The following ROCK1 variants were observed in gnomAD, a reference collection of about 807,000 sequenced individuals.
ROCK1 encodes the protein Rho associated coiled-coil containing protein kinase 1, also known as rho-associated protein kinase 1.
A neutral mutation model predicts 196.8 loss-of-function variants in ROCK1; 36 were observed. That is an observed-to-expected ratio of 0.18 (90% CI 0.14 to 0.24). The LOEUF (loss-of-function observed/expected upper bound fraction) is 0.24, where lower values mean the gene tolerates loss of function less well. Among genes scored for constraint, ROCK1 ranks in the 10% least tolerant of loss-of-function variants. The probability of loss-of-function intolerance (pLI) is 1.00; values close to 1 mark genes in which losing one functional copy is unlikely to be tolerated. For synonymous variants in ROCK1, 443 were observed against 515.9 expected (o/e 0.86, Z 1.91); for missense variants, 920 against 1,562.0 (o/e 0.59, Z 6.93).
chr18:21,026,595 T>C (rs958121063), intron 10 of ROCK1, among the ~76,000 whole-genome samples: 8 of 152,132 alleles, frequency 5.3e-5, no homozygotes, highest in African/African-American at 1.7e-4. Context: ...ATCTCATTGA[T>C]GTTGCAACAA....
In ROCK1 at chr18:21,047,466, A is replaced by C. The variant is rs151223356; in HGVS notation, c.414+1626T>G. ...TTAAGCCTGAGAAACTCTGATCTACATAGTTGGTAAAAACATAGACATTTC... is the reference window on the plus strand; with the variant it reads ...TTAAGCCTGAGAAACTCTGATCTACCTAGTTGGTAAAAACATAGACATTTC... On this transcript the variant is annotated intron_variant, in intron 4 of 32. Coordinates refer to ENST00000399799, the MANE Select transcript of ROCK1 (RefSeq NM_005406.3). Among the ~76,000 whole-genome samples, 1,085 of 152,294 alleles carry C rather than the reference A, an allele frequency of 7.1e-3. 9 individuals carry two copies. In the Middle Eastern group the frequency reaches 0.075, roughly 11 times the overall value.
intron 17 of ROCK1, 67 bp from the exon 18 acceptor site, chr18:20,991,393 A>C (rs1330339895): frequency 9.3e-7 from 1 of 1,073,428 alleles, no homozygotes; most frequent in East Asian, 2.6e-5. Context: ...TAAATCTTAC[A>C]TTTAATATTC....
Position 21,023,634 on chromosome 18 carries a change from C to A in ROCK1, c.1258G>T (p.Ala420Ser). 6.4e-7 allele frequency: 1 copy of A among 1,563,062 alleles called. No homozygotes were observed. The highest frequency in any genetic ancestry group is 1.2e-5 in the South Asian group (1 of 83,670). ...NPNDNRTSSNADKSLQESLQK... is the reference protein window; with the variant it reads ...NPNDNRTSSNSDKSLQESLQK... ...AAAATACCTACCAAGCTTTTATCTG[C>A]ATTGGAGCTAGTTCTGTTATCATTA... is the stretch of plus-strand genomic sequence containing the variant. Residue 420 changes from alanine to serine, a missense_variant, in exon 11 of 33, where the codon GCA becomes TCA. By Grantham distance (99) the Ala-to-Ser change is moderately conservative (BLOSUM62 1). Coordinates refer to ENST00000399799, the MANE Select transcript of ROCK1 (RefSeq NM_005406.3).
intron 16 of ROCK1, among the ~76,000 whole-genome samples, chr18:21,003,792 T>C (rs563068698): frequency 6.6e-6 from 1 of 152,134 alleles, no homozygotes; most frequent in Non-Finnish European, 1.5e-5. Flanking sequence ...AGCACTGACA[T>C]GACATTCAAG....
In ROCK1 at chr18:21,110,974, T is replaced by C; in HGVS notation, c.-64A>G. On this transcript the variant is annotated 5_prime_UTR_variant, in exon 1 of 33. Transcript: ENST00000399799. The stretch of plus-strand genomic sequence containing the variant: ...GCAGCGGAAAGCAATTTCAACCAAC[T>C]TCCTCCGCGGTGGGTTCGCAGCCGC... The C allele has an allele frequency of 7.2e-7, 1 of 1,381,856 alleles. No individual in the cohort carries two copies. Among genetic ancestry groups the C allele is most frequent in the Non-Finnish European group, 1.0e-6 (1 of 972,272 alleles). The allele number at this position is 1,381,856 out of a possible 1,614,324, so 85.6% of individuals were successfully genotyped here.
At chr18:21,056,381 C>T (rs965552450) in intron 2 of ROCK1, among the ~76,000 whole-genome samples, 8 of 152,188 alleles carry the variant, frequency 5.3e-5, no homozygotes, top group Non-Finnish European at 1.2e-4. Context: ...TGGCCGATGG[C>T]TCAATTTTGC....
chr18:21,082,800 A>G (rs1444211321), intron 1 of ROCK1, among the ~76,000 whole-genome samples: 1 of 152,214 alleles, frequency 6.6e-6, no homozygotes, highest in African/African-American at 2.4e-5. Context: ...TGTCACTTCT[A>G]TTCAACTCAT....
chr18:21,105,005 A>G (rs1451178920), intron 1 of ROCK1, among the ~76,000 whole-genome samples: 7 of 152,242 alleles, frequency 4.6e-5, no homozygotes, highest in Admixed American at 3.9e-4. Flanking sequence ...AGAGACGACA[A>G]TAAATATCAA....
chr18:21,063,592 T>C (rs1198473976), intron 2 of ROCK1, among the ~76,000 whole-genome samples: 1 of 152,106 alleles, frequency 6.6e-6, no homozygotes, highest in Non-Finnish European at 1.5e-5. Flanking sequence ...ATTTAGAAGC[T>C]TAGATAGCAT....
In ROCK1 at chr18:21,039,284, AC is replaced by A. The variant is rs60867265; in HGVS notation, c.1051+187del. On this transcript the variant is annotated intron_variant, in intron 9 of 32. Coordinates refer to ENST00000399799, the MANE Select transcript of ROCK1 (RefSeq NM_005406.3). ...ATTTCATCTGGGTATCCTGCGTGGG[AC>A]ATAAGAGGAGTAACAATATAATCTG... Among the ~76,000 whole-genome samples the A allele has an allele frequency of 4.9e-3, 742 of 152,244 alleles. 6 individuals carry two copies. Among genetic ancestry groups the A allele is most frequent in the African/African-American group, 0.017 (712 of 41,542 alleles).
chr18:21,017,769 G>A (rs1324287054), intron 12 of ROCK1, among the ~76,000 whole-genome samples: 4 of 151,620 alleles, frequency 2.6e-5, no homozygotes, highest in Non-Finnish European at 4.4e-5. Context: ...CCAGGAGATC[G>A]AGACCATCCT....
intron 29 of ROCK1, among the ~76,000 whole-genome samples, chr18:20,958,683 A>T (rs1344375517): frequency 6.6e-6 from 1 of 150,704 alleles, no homozygotes; most frequent in East Asian, 1.9e-4. Flanking sequence ...TCAAAGTCCA[A>T]GTATGCTCAA....
intron 22 of ROCK1, among the ~76,000 whole-genome samples, chr18:20,972,546 G>A (rs1165984720): frequency 6.6e-6 from 1 of 152,168 alleles, no homozygotes; most frequent in African/African-American, 2.4e-5. Flanking sequence ...TCAGCAATTA[G>A]AATGGAAAAA....
chr18:20,992,113 T>C (rs2035632014), intron 17 of ROCK1, among the ~76,000 whole-genome samples: 1 of 152,176 alleles, frequency 6.6e-6, no homozygotes, highest in Non-Finnish European at 1.5e-5. Flanking sequence ...TATATTCCAT[T>C]TCTGTTTGGG....
chr18:21,109,682 T>C (rs538027150), intron 1 of ROCK1, among the ~76,000 whole-genome samples: 2 of 152,310 alleles, frequency 1.3e-5, no homozygotes, highest in Admixed American at 6.5e-5. Context: ...GGGAAGCTTG[T>C]TGTAAAACCC....
At chr18:21,017,053 T>G (rs929842387) in intron 12 of ROCK1, among the ~76,000 whole-genome samples, 31 of 151,884 alleles carry the variant, frequency 2.0e-4, no homozygotes, top group African/African-American at 6.8e-4. Context: ...TCCACTCTTC[T>G]CCTAATAATT....
Position 20,951,375 on chromosome 18 carries a change from G to T in ROCK1, c.*9C>A, listed in dbSNP as rs967178535. On this transcript the variant is annotated 3_prime_UTR_variant, in exon 33 of 33. Transcript: ENST00000399799. ...CCCACACGATTCCACAGGGCACTCA[G>T]TCACATGGTTAACTGTTGAGGGAGG... The T allele has an allele frequency of 1.7e-5, 27 of 1,600,984 alleles. No homozygotes were observed. Among genetic ancestry groups the T allele is most frequent in the Non-Finnish European group, 2.2e-5 (26 of 1,172,900 alleles).
chr18:20,949,025 G>A lies in ROCK1; in HGVS notation c.*2359C>T, dbSNP rs1449280287. On this transcript the variant is annotated 3_prime_UTR_variant, in exon 33 of 33. Transcript: ENST00000399799. ...ATATTGGTATACTTGGGAGTGAGTG[G>A]TTTCCTGAACTTAGAAGAGGAAGCA... 6.6e-6 allele frequency: 1 copy of A among 151,976 alleles called. No homozygotes were observed. Among genetic ancestry groups the A allele is most frequent in the African/African-American group, 2.4e-5 (1 of 41,344 alleles). 9.4% of individuals were successfully genotyped at this position (151,976 alleles called of 1,614,324 possible). A position where few individuals can be genotyped will look rare whatever the true frequency, so the allele number is the denominator to read the frequency against.
intron 1 of ROCK1, among the ~76,000 whole-genome samples, chr18:21,102,221 A>C (rs2036665022): frequency 6.6e-6 from 1 of 152,172 alleles, no homozygotes; most frequent in African/African-American, 2.4e-5. Context: ...AAGATCCCAG[A>C]TTCCATTTTT....
Sources: gnomAD v4.1 joint callset for allele counts (sites outside exome capture counted in the v4.1 genomes callset) on GRCh38, gnomAD v4.1.1 for gene constraint, MANE v1.5 for transcripts, NCBI Gene and HGNC (gene_info 2026-07-23, HGNC 2026-07-21) for gene names.